Variants in KPNA3 observed in about 807,000 individuals in gnomAD.
KPNA3 encodes the protein karyopherin subunit alpha 3.
Under a neutral mutation model 73.8 loss-of-function variants are expected in KPNA3, and 13 were observed. The ratio of observed to expected loss-of-function variants is 0.18; its 90% confidence interval spans 0.11 to 0.28. KPNA3 has a LOEUF of 0.28. Ranked by LOEUF, KPNA3 falls within the 10% of genes least tolerant of loss-of-function variation. The pLI is 1.00. For synonymous variants in KPNA3, 186 were observed against 206.9 expected (o/e 0.90, Z 0.87); for missense variants, 360 against 618.1 (o/e 0.58, Z 4.43).
chr13:49,727,355 G>A (rs952902555), intron 6 of KPNA3, among the ~76,000 whole-genome samples: 1 of 151,610 alleles, frequency 6.6e-6, no homozygotes, highest in African/African-American at 2.4e-5. Flanking sequence ...GGCTGAGGCA[G>A]GAGAATCCCT....
intron 2 of KPNA3, among the ~76,000 whole-genome samples, chr13:49,738,007 C>T (rs1356709582): frequency 3.9e-5 from 6 of 152,112 alleles, no homozygotes; most frequent in Non-Finnish European, 8.8e-5. Flanking sequence ...CCAGAAAATT[C>T]TCTATGTTTT....
intron 1 of KPNA3, among the ~76,000 whole-genome samples, chr13:49,755,613 G>C (rs1954703992): frequency 1.3e-5 from 2 of 152,200 alleles, no homozygotes; most frequent in South Asian, 4.1e-4. Flanking sequence ...GGTCAACATA[G>C]TGAAACCCCA....
chr13:49,734,765 T>A (rs1026547134), intron 2 of KPNA3, among the ~76,000 whole-genome samples: 19 of 152,176 alleles, frequency 1.2e-4, no homozygotes, highest in Non-Finnish European at 1.9e-4. Flanking sequence ...TTTACATGTG[T>A]CTATTAGTTA....
At chr13:49,762,787 G>C (rs1954778458) in intron 1 of KPNA3, among the ~76,000 whole-genome samples, 1 of 151,942 alleles carries the variant, frequency 6.6e-6, no homozygotes, top group East Asian at 1.9e-4. Flanking sequence ...TTGTTTATCT[G>C]CTGACCTTCC....
chr13:49,732,900 T>C, intron 3 of KPNA3, 57 bp downstream of exon 3: 20 of 1,377,234 alleles, frequency 1.5e-5, no homozygotes, highest in Non-Finnish European at 2.0e-5. Context: ...AAAAATGAAG[T>C]TCTCACAGTT....
chr13:49,707,647 C>T (rs776298266), intron 12 of KPNA3, among the ~76,000 whole-genome samples: 2 of 151,822 alleles, frequency 1.3e-5, no homozygotes, highest in Non-Finnish European at 2.9e-5. Context: ...GACTTCTGCC[C>T]AGCTTCCTCA....
chr13:49,751,174 C>G (rs753300906), intron 1 of KPNA3, among the ~76,000 whole-genome samples: 3 of 152,126 alleles, frequency 2.0e-5, no homozygotes, highest in Non-Finnish European at 2.9e-5. Context: ...AACTAATATA[C>G]TTGTTCCCTT....
intron 15 of KPNA3, 84 bp downstream of exon 15, chr13:49,705,537 T>C: frequency 7.5e-7 from 1 of 1,337,688 alleles, no homozygotes; most frequent in South Asian, 1.3e-5. Flanking sequence ...CCTAGTAATT[T>C]TCTGTCTAGT....
intron 1 of KPNA3, among the ~76,000 whole-genome samples, chr13:49,762,937 A>AAAAAAC (rs1555307135): frequency 6.2e-5 from 9 of 146,112 alleles, no homozygotes; most frequent in Non-Finnish European, 1.2e-4. Flanking sequence ...CAAAAAAAGA[A>AAAAAAC]GAGGAGAGGT....
chr13:49,743,036 G>A (rs1954587485), intron 2 of KPNA3, among the ~76,000 whole-genome samples: 1 of 152,150 alleles, frequency 6.6e-6, no homozygotes, highest in South Asian at 2.1e-4. Flanking sequence ...AGTTATTTGG[G>A]AGGCTGGGGT....
chr13:49,707,422 A>T (rs1954218047), intron 12 of KPNA3, among the ~76,000 whole-genome samples: 1 of 152,206 alleles, frequency 6.6e-6, no homozygotes, highest in Admixed American at 6.5e-5. Context: ...TTTCAAACAG[A>T]AATGCTGAGG....
At chr13:49,738,803 CA>C (rs1954547653) in intron 2 of KPNA3, among the ~76,000 whole-genome samples, 1 of 152,210 alleles carries the variant, frequency 6.6e-6, no homozygotes, top group Admixed American at 6.5e-5. Context: ...TCTTCCTTTA[CA>C]AACTACATAC....
At chr13:49,703,394 C>A (rs1053204710) in intron 15 of KPNA3, among the ~76,000 whole-genome samples, 19 of 147,102 alleles carry the variant, frequency 1.3e-4, no homozygotes, top group South Asian at 1.1e-3. Context: ...GTTGGCCAGG[C>A]TGGTCTCGAA....
chr13:49,783,446 G>A (rs1008338078), intron 1 of KPNA3, among the ~76,000 whole-genome samples: 1 of 152,004 alleles, frequency 6.6e-6, no homozygotes, highest in African/African-American at 2.4e-5. Context: ...GTATCCTCGG[G>A]GGGGTTGGCT....
chr13:49,792,419 A>G lies in KPNA3; in HGVS notation c.69+19T>C, dbSNP rs200563678. 42 of 1,544,976 alleles carry G rather than the reference A, an allele frequency of 2.7e-5. No homozygotes were observed. In the African/African-American group the frequency reaches 5.8e-4, roughly 21 times the overall value. On this transcript the variant is annotated intron_variant, in intron 1 of 16. Coordinates refer to ENST00000261667, the MANE Select transcript of KPNA3 (RefSeq NM_002267.4). ...GGCCGGCGCGGCCAGGCGGGCCCAG[A>G]CCGCGGAAGCACACTCACTTCCACA...
At position 49,701,827 on chromosome 13, in the gene KPNA3, G is replaced by T. The variant is rs1403925715; in HGVS notation, c.1539C>A (p.Asn513Lys). ...AAAAATTAAATTCTTTTGTTTGAAG[G>T]TTGGCTGTTGGATCAAAATTGTAGG... is the stretch of plus-strand genomic sequence containing the variant. ...GGTYNFDPTA[N>K]LQTKEFNF Residue 513 changes from asparagine to lysine, a missense_variant, in exon 17 of 17, where the codon AAC (asparagine) becomes AAA (lysine). Physicochemically the swap from Asn to Lys is moderately conservative, Grantham distance 94. This residue lies in a region of KPNA3 where 38 missense variants were observed against 39.0 expected (regional missense o/e 0.98). Coordinates refer to ENST00000261667, the MANE Select transcript of KPNA3 (RefSeq NM_002267.4). 2.5e-6 allele frequency: 4 copies of T among 1,610,812 alleles called. No individual in the cohort carries two copies. Among genetic ancestry groups the T allele is most frequent in the Non-Finnish European group, 3.4e-6 (4 of 1,177,154 alleles).
At chr13:49,718,594 A>AC (rs1954326448) in intron 10 of KPNA3, among the ~76,000 whole-genome samples, 1 of 152,224 alleles carries the variant, frequency 6.6e-6, no homozygotes, top group African/African-American at 2.4e-5. Context: ...TTACCTTTCA[A>AC]CAGCAACAAC....
intron 10 of KPNA3, among the ~76,000 whole-genome samples, chr13:49,717,208 C>G (rs942005325): frequency 6.6e-6 from 1 of 152,026 alleles, no homozygotes; most frequent in African/African-American, 2.4e-5. Flanking sequence ...TTTAAAAAAT[C>G]TACAATGACT....
chr13:49,766,722 AC>A (rs1954810603), intron 1 of KPNA3, among the ~76,000 whole-genome samples: 1 of 152,164 alleles, frequency 6.6e-6, no homozygotes, highest in Non-Finnish European at 1.5e-5. Context: ...ATCCAGTTCC[AC>A]TGGTCTGCCA....
Sources: allele counts gnomAD v4.1 joint callset (sites outside exome capture counted in the v4.1 genomes callset), GRCh38; gene constraint gnomAD v4.1.1; regional missense constraint gnomAD v4.1.1; transcripts MANE v1.5; gene names NCBI Gene and HGNC (gene_info 2026-07-23, HGNC 2026-07-21).